PRR11: variants seen among roughly 807,000 people sequenced by gnomAD.
PRR11 encodes proline rich 11.
In PRR11, 30 loss-of-function variants were observed where a neutral mutation model predicts 45.6. The observed-to-expected ratio is 0.66, with a 90% CI of 0.49 to 0.89. The LOEUF (loss-of-function observed/expected upper bound fraction) is 0.89. Ranked by LOEUF, PRR11 falls within the 40% of genes least tolerant of loss-of-function variation. The probability of loss-of-function intolerance (pLI) is 0.00; values close to 1 mark genes in which losing one functional copy is unlikely to be tolerated. For synonymous variants in PRR11, 128 were observed against 153.5 expected, an observed-to-expected ratio of 0.83 and a Z score of 1.23; for missense variants, 373 against 424.8, an observed-to-expected ratio of 0.88 and a Z score of 1.07.
chr17:59,195,360 A>G lies in PRR11; in HGVS notation c.774A>G (p.Pro258=), dbSNP rs766929767. Residue 258 remains proline, a synonymous_variant, in exon 7 of 10, where the codon CCA becomes CCG. Transcript: ENST00000262293. ...KLIPSPKARN[P]LVTVSDLQHV... ...TACCATCGCCGAAAGCACGGAATCCACTAGTTACCGTCTCTGACTTGCAGC... is the reference window on the plus strand; with the variant it reads ...TACCATCGCCGAAAGCACGGAATCCGCTAGTTACCGTCTCTGACTTGCAGC... 2 of 1,613,808 alleles carry G rather than the reference A, an allele frequency of 1.2e-6. No homozygotes were observed. The highest frequency in any genetic ancestry group is 1.6e-4 in the Middle Eastern group (1 of 6,084).
At chr17:59,190,529 T>C (rs1016036083) in intron 4 of PRR11, among the ~76,000 whole-genome samples, 1 of 152,072 alleles carries the variant, frequency 6.6e-6, no homozygotes, top group Admixed American at 6.6e-5. Context: ...TGTTATTTCC[T>C]TCACTAAGAA....
In PRR11 at chr17:59,169,824, C is replaced by T. The variant is rs901687512; in HGVS notation, c.72C>T (p.Ala24=). 3.1e-6 allele frequency: 5 copies of T among 1,612,234 alleles called. No individual in the cohort carries two copies. In the African/African-American group the frequency reaches 6.7e-5, roughly 22 times the overall value. The change falls in exon 2 of 10, where the codon GCC becomes GCT. Residue 24 remains alanine, a synonymous_variant. Transcript: ENST00000262293. ...AAAGATTATTCAAAAAAAAAGAAGC[C>T]TCTCACTTTCAGTCCAAGCTAATTA... The part of the protein sequence containing the change: ...KAERLFKKKE[A]SHFQSKLITP...
At chr17:59,171,770 A>C (rs1380494091) in intron 2 of PRR11, among the ~76,000 whole-genome samples, 1 of 152,118 alleles carries the variant, frequency 6.6e-6, no homozygotes, top group East Asian at 1.9e-4. Flanking sequence ...ACAGCAAATA[A>C]AAATTTCTAT....
intron 9 of PRR11, among the ~76,000 whole-genome samples, chr17:59,198,403 C>T (rs959906133): frequency 1.3e-5 from 2 of 151,702 alleles, no homozygotes; most frequent in Non-Finnish European, 2.9e-5. Context: ...TGGCCGGGCA[C>T]GGTGGCTCAC....
intron 1 of PRR11, among the ~76,000 whole-genome samples, chr17:59,169,191 C>T (rs1004289600): frequency 6.6e-6 from 1 of 150,966 alleles, no homozygotes; most frequent in Non-Finnish European, 1.5e-5. Flanking sequence ...CTCCGCCTCC[C>T]GAGTTCAAGC....
chr17:59,185,466 C>G lies in PRR11; in HGVS notation c.306C>G (p.Ile102Met), dbSNP rs753814095. The change falls in exon 4 of 10, where the codon ATC becomes ATG. Residue 102 changes from isoleucine to methionine, a missense_variant. By Grantham distance (10) the Ile-to-Met change is conservative. Transcript: ENST00000262293. ...TQSLEVLKDT[I>M]FPSRICHREL... is the part of the protein sequence containing the mutation. ...GTTTAGAAGTATTGAAAGACACCAT[C>G]TTTCCATCTCGTATCTGCCACCGAG... 1 of 1,589,342 alleles carries G rather than the reference C, an allele frequency of 6.3e-7. No homozygotes were observed. Among genetic ancestry groups the G allele is most frequent in the Non-Finnish European group, 8.6e-7 (1 of 1,165,570 alleles).
At chr17:59,170,999 C>A (rs1448894239) in intron 2 of PRR11, among the ~76,000 whole-genome samples, 1 of 152,164 alleles carries the variant, frequency 6.6e-6, no homozygotes. Flanking sequence ...GTGGCTCATG[C>A]CCGTAATCCT....
chr17:59,197,652 GC>G (rs757560452), intron 8 of PRR11, 40 bp from the exon 9 acceptor site: 2 of 1,610,870 alleles, frequency 1.2e-6, no homozygotes, highest in East Asian at 4.5e-5. Context: ...TTTAAAAGTT[GC>G]CATAAAATAC....
intron 2 of PRR11, chr17:59,181,665 TG>T (rs1469766036): frequency 2.0e-6 from 3 of 1,535,666 alleles, no homozygotes; most frequent in Non-Finnish European, 2.7e-6. Flanking sequence ...CCTCCTCCGA[TG>T]ACTCCTCAGA....
At chr17:59,167,365 T>C (rs183361201) in intron 1 of PRR11, among the ~76,000 whole-genome samples, 9 of 152,284 alleles carry the variant, frequency 5.9e-5, no homozygotes, top group Non-Finnish European at 1.2e-4. Context: ...TTGTTAACTA[T>C]AGTCATCCTA....
At chr17:59,184,981 G>C in intron 2 of PRR11, 73 bp from the exon 3 acceptor site, 7 of 1,409,600 alleles carry the variant, frequency 5.0e-6, no homozygotes, top group Non-Finnish European at 6.8e-6. Context: ...AGAGGCATGA[G>C]CCACCACACC....
chr17:59,168,492 A>C (rs2046690617), intron 1 of PRR11, among the ~76,000 whole-genome samples: 1 of 152,058 alleles, frequency 6.6e-6, no homozygotes, highest in Admixed American at 6.6e-5. Flanking sequence ...AAATGCTTTA[A>C]AATAACTCTT....
intron 2 of PRR11, chr17:59,175,142 C>A: frequency 1.8e-6 from 1 of 548,662 alleles, no homozygotes; most frequent in South Asian, 1.7e-5. Flanking sequence ...GGACAGAAAT[C>A]AGGTTGCCGC....
rs1017076048 is a variant in PRR11, at chr17:59,193,842, A to G, written c.645+108A>G. On this transcript the variant is annotated intron_variant, in intron 5 of 9. Transcript: ENST00000262293. ...GGCCAGGCTAATCAGGGCTTGGGCCAGAAGGCTATATTTTGTTCTGATTCC... is the reference window on the plus strand; with the variant it reads ...GGCCAGGCTAATCAGGGCTTGGGCCGGAAGGCTATATTTTGTTCTGATTCC... 8 of 1,294,786 alleles carry G rather than the reference A, an allele frequency of 6.2e-6. No individual in the cohort carries two copies. The African/African-American group carries it at 1.2e-4, about 19-fold the overall frequency. 80.2% of individuals were successfully genotyped at this position (1,294,786 alleles called of 1,614,324 possible).
Position 59,179,532 on chromosome 17 carries a change from G to A in PRR11, c.129-5522G>A, listed in dbSNP as rs190552641. ...TGAGTGATCACTTCTGAGTCCTCCC[G>A]CATGGAGAGCTCACCCACTGGGGGC... On this transcript the variant is annotated intron_variant, in intron 2 of 9. Coordinates refer to ENST00000262293, the MANE Select transcript of PRR11 (RefSeq NM_018304.4). The A allele has an allele frequency of 1.5e-4, 201 of 1,344,240 alleles. No individual in the cohort carries two copies. The East Asian group carries it at 2.9e-3, about 20-fold the overall frequency. 83.3% of individuals were successfully genotyped at this position (1,344,240 alleles called of 1,614,324 possible). A position where few individuals can be genotyped will look rare whatever the true frequency, so the allele number is the denominator to read the frequency against.
Position 59,204,364 on chromosome 17 carries a change from C to A in PRR11, c.*2733C>A. On this transcript the variant is annotated 3_prime_UTR_variant, in exon 10 of 10. Coordinates refer to ENST00000262293, the MANE Select transcript of PRR11 (RefSeq NM_018304.4). Reference sequence around the variant, plus strand: ...TGAGCTGAGATTGTGCCACTGTATTCCATCCTGGGCAACAGAGCCAGACCC... The same window carrying A: ...TGAGCTGAGATTGTGCCACTGTATTACATCCTGGGCAACAGAGCCAGACCC... The A allele has an allele frequency of 7.1e-6, 1 of 140,380 alleles. No homozygotes were observed. The highest frequency in any genetic ancestry group is 1.5e-5 in the Non-Finnish European group (1 of 67,806). 8.7% of individuals were successfully genotyped at this position (140,380 alleles called of 1,614,324 possible).
intron 1 of PRR11, among the ~76,000 whole-genome samples, chr17:59,167,728 A>G (rs927360895): frequency 6.6e-6 from 1 of 152,188 alleles, no homozygotes; most frequent in Non-Finnish European, 1.5e-5. Context: ...AGACATTACC[A>G]TGGCATTTGT....
intron 9 of PRR11, among the ~76,000 whole-genome samples, chr17:59,198,220 G>C (rs759792050): frequency 7.9e-5 from 12 of 151,942 alleles, no homozygotes; most frequent in Non-Finnish European, 1.5e-4. Context: ...TCATATTTAG[G>C]CTTCATAAAA....
intron 2 of PRR11, chr17:59,179,620 T>TG: frequency 1.3e-6 from 2 of 1,516,208 alleles, no homozygotes; most frequent in Non-Finnish European, 1.8e-6. Flanking sequence ...AGAACAGGAT[T>TG]GGAGGTGCTC....
Sources: allele counts gnomAD v4.1 joint callset (sites outside exome capture counted in the v4.1 genomes callset), GRCh38; gene constraint gnomAD v4.1.1; transcripts MANE v1.5; gene names NCBI Gene and HGNC (gene_info 2026-07-23, HGNC 2026-07-21).